The following EPS8L1 variants were observed in gnomAD, a reference collection of about 807,000 sequenced individuals.
EPS8L1 encodes the protein EPS8 signaling adaptor L1.
In EPS8L1, 101 loss-of-function variants were observed where a neutral mutation model predicts 91.7. The observed-to-expected ratio is 1.10, with a 90% CI of 0.94 to 1.30. The LOEUF (loss-of-function observed/expected upper bound fraction) is 1.30, where lower values mean the gene tolerates loss of function less well. Among genes scored for constraint, EPS8L1 ranks in the 50% most tolerant of loss-of-function variants. EPS8L1 has a pLI of 0.00. For synonymous variants in EPS8L1, 506 were observed against 445.3 expected (o/e 1.14, Z -1.72); for missense variants, 1,114 against 1,017.0 (o/e 1.10, Z -1.30).
At chr19:55,079,951 T>A in intron 5 of EPS8L1, 100 bp downstream of exon 5, 1 of 1,464,310 alleles carries the variant, frequency 6.8e-7, no homozygotes, top group South Asian at 1.4e-5. Flanking sequence ...CTGGGAACTC[T>A]GGCGAGGGAC....
chr19:55,083,621 C>G lies in EPS8L1; in HGVS notation c.1362C>G (p.Ser454Arg). ...GACTGTCTTACTTCCTACAGCAAAG[C>G]GCCCCCCAGGTCGCTGTCAATGGGT... ...LQHERRRRQQSAPQVAVNGHR... is the reference protein window; with the variant it reads ...LQHERRRRQQRAPQVAVNGHR... The change falls in exon 14 of 20, where the codon AGC (serine) becomes AGG (arginine). Residue 454 changes from serine to arginine, a missense_variant. Coordinates refer to ENST00000201647, the MANE Select transcript of EPS8L1 (RefSeq NM_133180.3). This position sits in a 1 kb window ranked among gnomAD's most constrained non-coding sequence, Gnocchi z 4.7. 6.3e-7 allele frequency: 1 copy of G among 1,596,054 alleles called. No homozygotes were observed. The highest frequency in any genetic ancestry group is 8.5e-7 in the Non-Finnish European group (1 of 1,171,872).
chr19:55,083,662 G>C lies in EPS8L1; in HGVS notation c.1385+18G>C. ...GTCAATGGGTGAGTGTCCGCCCCAG[G>C]GCAGGGCAAGGGGGTCAAGGAGGGG... On this transcript the variant is annotated intron_variant, in intron 14 of 19. Coordinates refer to ENST00000201647, the MANE Select transcript of EPS8L1 (RefSeq NM_133180.3). The surrounding 1 kb of genome is among the most constrained non-coding windows in gnomAD (Gnocchi z 4.7). 1 of 1,588,058 alleles carries C rather than the reference G, an allele frequency of 6.3e-7. No individual in the cohort carries two copies. Among genetic ancestry groups the C allele is most frequent in the Non-Finnish European group, 8.6e-7 (1 of 1,167,564 alleles).
At chr19:55,079,178 A>G (rs1361772566) in intron 4 of EPS8L1, 121 bp downstream of exon 4, 12 of 1,045,282 alleles carry the variant, frequency 1.1e-5, no homozygotes, top group Non-Finnish European at 1.6e-5. Flanking sequence ...CAGTTTGCCC[A>G]TCCATAAAAT....
rs373106568 is a variant in EPS8L1, at chr19:55,085,989, G to C, written c.1518+16G>C. ...CGTACTGGAGGTTAGAGGAGCGGGA[G>C]GCTGAGGGGCAGGAATTAGCCAGCC... On this transcript the variant is annotated intron_variant, in intron 15 of 19. Transcript: ENST00000201647. The C allele has an allele frequency of 1.4e-5, 22 of 1,608,802 alleles. No individual in the cohort carries two copies. In the Middle Eastern group the frequency reaches 4.9e-4, roughly 36 times the overall value.
rs780029768 is a variant in EPS8L1, at chr19:55,087,334, G to A, written c.1984G>A (p.Ala662Thr). The change falls in exon 19 of 20, where the codon GCG becomes ACG. Residue 662 changes from alanine (A) to threonine (T), a missense_variant. Coordinates refer to ENST00000201647, the MANE Select transcript of EPS8L1 (RefSeq NM_133180.3). ...TVDALGVLTG[A>T]QLFSLQKEEL... Reference sequence around the variant, plus strand: ...GGACGCGCTGGGTGTGCTGACCGGGGCGCAGCTTTTCTCGCTGCAGAAGGA... The same window carrying A: ...GGACGCGCTGGGTGTGCTGACCGGGACGCAGCTTTTCTCGCTGCAGAAGGA... 4.3e-6 allele frequency: 7 copies of A among 1,611,762 alleles called. No individual in the cohort carries two copies. The highest frequency in any genetic ancestry group is 2.2e-5 in the South Asian group (2 of 90,832).
At chr19:55,086,639 C>A (rs916017365) in intron 17 of EPS8L1, 75 bp from the exon 18 acceptor site, 2 of 1,436,800 alleles carry the variant, frequency 1.4e-6, no homozygotes, top group African/African-American at 2.8e-5. Flanking sequence ...TGGAGCGCCC[C>A]CCCGCCCCGC....
chr19:55,085,024 G>A (rs2076340639), intron 14 of EPS8L1, among the ~76,000 whole-genome samples: 1 of 152,116 alleles, frequency 6.6e-6, no homozygotes, highest in African/African-American at 2.4e-5. Context: ...GAAAATGGAG[G>A]AGATCATAGG....
chr19:55,081,019 A>C lies in EPS8L1; in HGVS notation c.512+165A>C. On this transcript the variant is annotated intron_variant, in intron 7 of 19. Transcript: ENST00000201647. This position sits in a 1 kb window ranked among gnomAD's most constrained non-coding sequence, Gnocchi z 4.9. ...CAGACGAGCTGACCCCTTCTCCAGA[A>C]CTCTGCTTCTTTTCTCTGTTCCCTG... 1.1e-6 allele frequency: 1 copy of C among 899,890 alleles called. No individual in the cohort carries two copies. The highest frequency in any genetic ancestry group is 1.6e-6 in the Non-Finnish European group (1 of 610,204). 55.7% of individuals were successfully genotyped at this position (899,890 alleles called of 1,614,324 possible).
intron 3 of EPS8L1, 100 bp downstream of exon 3, chr19:55,078,228 A>T: frequency 1.1e-6 from 1 of 944,014 alleles, no homozygotes; most frequent in Non-Finnish European, 1.6e-6. Flanking sequence ...GGGGGTCTGG[A>T]CTCCTGAGTC....
In EPS8L1 at chr19:55,081,354, C is replaced by A. The variant is rs374628904; in HGVS notation, c.636C>A (p.Pro212=). Residue 212 remains proline (P), a synonymous_variant, in exon 8 of 20, where the codon CCC becomes CCA. Transcript: ENST00000201647. The surrounding 1 kb of genome is among the most constrained non-coding windows in gnomAD (Gnocchi z 4.9). ...AGCGGGGCGCGGGCCGCGGACGACC[C>A]CAGGCGAAGCCCATTCCCGAGGCAG... ...TVERGAGRGR[P]QAKPIPEAEE... 23 of 1,565,086 alleles carry A rather than the reference C, an allele frequency of 1.5e-5. No individual in the cohort carries two copies. The highest frequency in any genetic ancestry group is 1.9e-5 in the Non-Finnish European group (22 of 1,159,424).
At chr19:55,085,237 C>T (rs1295872490) in intron 14 of EPS8L1, among the ~76,000 whole-genome samples, 1 of 152,236 alleles carries the variant, frequency 6.6e-6, no homozygotes, top group Admixed American at 6.5e-5. Context: ...GAGATCTCAG[C>T]TCACTGCAAC....
At position 55,086,610 on chromosome 19, in the gene EPS8L1, C is replaced by T. The variant is rs2076354925; in HGVS notation, c.1777+92C>T. 2.0e-6 allele frequency: 3 copies of T among 1,528,940 alleles called. No homozygotes were observed. In the South Asian group the frequency reaches 3.7e-5, roughly 19 times the overall value. The allele number at this position is 1,528,940 out of a possible 1,614,324, so 94.7% of individuals were successfully genotyped here. On this transcript the variant is annotated intron_variant, in intron 17 of 19. Transcript: ENST00000201647. ...GGCTCAGAAAGAGCAAAGGGACTCC[C>T]GTCCCATTCTGGGGACGCTGGAGCG...
chr19:55,076,183 C>T (rs1341164117), intron 1 of EPS8L1, among the ~76,000 whole-genome samples: 2 of 126,322 alleles, frequency 1.6e-5, no homozygotes, highest in Non-Finnish European at 3.6e-5. Flanking sequence ...GGGGTCTGGA[C>T]TCCTGGGTCT....
chr19:55,080,211 T>C lies in EPS8L1; in HGVS notation c.362T>C (p.Leu121Pro). Reference sequence around the variant, plus strand: ...CCCGGCAGGAGCCGCTCGTTGCTGCTGCTCGTGTGCCAGGAACCCGAGCGC... The same window carrying C: ...CCCGGCAGGAGCCGCTCGTTGCTGCCGCTCGTGTGCCAGGAACCCGAGCGC... ...MPPGRSRSLL[L>P]LVCQEPERAQ... The change falls in exon 6 of 20, where the codon CTG becomes CCG. Residue 121 changes from leucine (L) to proline (P), a missense_variant. By Grantham distance (98) the Leu-to-Pro change is moderately conservative (BLOSUM62 -3). Coordinates refer to ENST00000201647, the MANE Select transcript of EPS8L1 (RefSeq NM_133180.3). 6.5e-7 allele frequency: 1 copy of C among 1,539,218 alleles called. No individual in the cohort carries two copies.
Position 55,081,141 on chromosome 19 carries a change from G to C in EPS8L1, c.513-90G>C, listed in dbSNP as rs2076248490. 1 of 1,402,988 alleles carries C rather than the reference G, an allele frequency of 7.1e-7. No individual in the cohort carries two copies. The highest frequency in any genetic ancestry group is 9.3e-7 in the Non-Finnish European group (1 of 1,071,136). The allele number at this position is 1,402,988 out of a possible 1,614,324, so 86.9% of individuals were successfully genotyped here. ...CTTGTTCACTCCCTTTGAGCCTTTT[G>C]AGCCTGTGTGTCTCGTTCTGCGCCC... On this transcript the variant is annotated intron_variant, in intron 7 of 19. Transcript: ENST00000201647. The surrounding 1 kb of genome is among the most constrained non-coding windows in gnomAD (Gnocchi z 4.9).
rs376710041 is a variant in EPS8L1 at position 55,087,590 on chromosome 19, C to T, written c.2148C>T (p.Gly716=). The T allele has an allele frequency of 2.4e-5, 38 of 1,614,120 alleles. No homozygotes were observed. Among genetic ancestry groups the T allele is most frequent in the Middle Eastern group, 1.6e-4 (1 of 6,062 alleles). The change falls in exon 20 of 20, where the codon GGC becomes GGT. Residue 716 remains glycine (G), a synonymous_variant. Transcript: ENST00000201647. ...VMEKQKKKVE[G]EVEMEVI is the part of the protein sequence containing the mutation. ...AGAAGCAAAAGAAGAAGGTGGAAGG[C>T]GAGGTGGAAATGGAGGTCATTTGAC...
chr19:55,080,238 C>CGCA lies in EPS8L1; in HGVS notation c.392_394dup (p.Gln131dup). On this transcript the variant is annotated inframe_insertion, in exon 6 of 20. Coordinates refer to ENST00000201647, the MANE Select transcript of EPS8L1 (RefSeq NM_133180.3). The stretch of plus-strand genomic sequence containing the variant: ...CTCGTGTGCCAGGAACCCGAGCGCG[C>CGCA]GCAGCCCGACGTGCACTTCTTCCAG... 2.0e-6 allele frequency: 3 copies of CGCA among 1,535,686 alleles called. No homozygotes were observed. Among genetic ancestry groups the CGCA allele is most frequent in the Non-Finnish European group, 2.6e-6 (3 of 1,136,250 alleles).
intron 2 of EPS8L1, among the ~76,000 whole-genome samples, chr19:55,076,811 C>T (rs1360917146): frequency 1.3e-5 from 2 of 152,248 alleles, no homozygotes; most frequent in African/African-American, 4.8e-5. Context: ...TAGCTGACCA[C>T]CTCACTGACA....
Position 55,081,052 on chromosome 19 carries a change from C to T in EPS8L1, c.513-179C>T. ...TCTTTTCTCTGTTCCCTGTCCAGGCCCTCAGTTTCACTCTAGAGAGGTGCT... is the reference window on the plus strand; with the variant it reads ...TCTTTTCTCTGTTCCCTGTCCAGGCTCTCAGTTTCACTCTAGAGAGGTGCT... On this transcript the variant is annotated intron_variant, in intron 7 of 19. Transcript: ENST00000201647. This position sits in a 1 kb window ranked among gnomAD's most constrained non-coding sequence, Gnocchi z 4.9. The T allele has an allele frequency of 2.1e-6, 2 of 943,616 alleles. No homozygotes were observed. Among genetic ancestry groups the T allele is most frequent in the Non-Finnish European group, 3.1e-6 (2 of 650,672 alleles). The allele number at this position is 943,616 out of a possible 1,614,324, so 58.5% of individuals were successfully genotyped here. A position where few individuals can be genotyped will look rare whatever the true frequency, so the allele number is the denominator to read the frequency against.
Sources: allele counts gnomAD v4.1 joint callset (sites outside exome capture counted in the v4.1 genomes callset), GRCh38; gene constraint gnomAD v4.1.1; non-coding constraint Gnocchi (gnomAD v3.1); transcripts MANE v1.5; gene names NCBI Gene and HGNC (gene_info 2026-07-23, HGNC 2026-07-21).